Variants in POU6F2 observed in about 807,000 individuals in gnomAD.
POU6F2 encodes POU class 6 homeobox 2, also known as POU domain, class 6, transcription factor 2.
In POU6F2, 31 loss-of-function variants were observed where a neutral mutation model predicts 71.3. The ratio of observed to expected loss-of-function variants is 0.43; its 90% CI spans 0.33 to 0.59. POU6F2 has a LOEUF of 0.59. POU6F2 is among the 20% of genes least tolerant of loss of function. POU6F2 has a pLI of 0.04. For missense variants in POU6F2, 783 were observed against 856.8 expected (o/e 0.91, Z 1.07); for synonymous variants, 347 against 355.7 (o/e 0.98, Z 0.27).
chr7:39,286,914 C>T (rs1021826297), intron 4 of POU6F2, among the ~76,000 whole-genome samples: 3 of 149,716 alleles, frequency 2.0e-5, no homozygotes, highest in African/African-American at 7.4e-5. Context: ...AGGCATGAGC[C>T]ACCATGCCCA....
At position 39,466,164 on chromosome 7, in the gene POU6F2, G is replaced by A. The variant is rs1789065887; in HGVS notation, c.*1478G>A. On this transcript the variant is annotated 3_prime_UTR_variant, in exon 10 of 10. Transcript: ENST00000518318. ...GGCAAATTTAAACAACTGGAATTGG[G>A]GGCCAGGTTCTTCAGGGGAAAGGAA... is the stretch of plus-strand genomic sequence containing the variant. The A allele has an allele frequency of 6.6e-6, 1 of 152,174 alleles. No homozygotes were observed. Among genetic ancestry groups the A allele is most frequent in the African/African-American group, 2.4e-5 (1 of 41,442 alleles). The allele number at this position is 152,174 out of a possible 1,614,324, so 9.4% of individuals were successfully genotyped here. A position where few individuals can be genotyped will look rare whatever the true frequency, so the allele number is the denominator to read the frequency against.
intron 2 of POU6F2, among the ~76,000 whole-genome samples, chr7:39,190,631 CTTTTTTT>C (rs58654872): frequency 8.1e-5 from 6 of 74,202 alleles, no homozygotes; most frequent in East Asian, 5.3e-4. Flanking sequence ...GAGTCAACTT[CTTTTTTT>C]TTTTTTTTTT....
intron 5 of POU6F2, among the ~76,000 whole-genome samples, chr7:39,405,734 C>T (rs993702820): frequency 1.3e-5 from 2 of 152,194 alleles, no homozygotes; most frequent in Non-Finnish European, 2.9e-5. Context: ...GGCCTGAAAA[C>T]CTGTGGCGTG....
At chr7:39,071,242 A>G (rs748495651) in intron 1 of POU6F2, among the ~76,000 whole-genome samples, 21 of 152,056 alleles carry the variant, frequency 1.4e-4, no homozygotes, top group Non-Finnish European at 3.1e-4. Context: ...GGAATGGGCT[A>G]CCGAGATCCC....
intron 4 of POU6F2, among the ~76,000 whole-genome samples, chr7:39,278,299 T>A (rs188426452): frequency 7.6e-4 from 115 of 152,154 alleles, no homozygotes; most frequent in African/African-American, 2.6e-3. Flanking sequence ...TTTCCATAGA[T>A]CCAGGCCCAG....
chr7:39,092,699 C>T (rs1791381446), intron 2 of POU6F2, among the ~76,000 whole-genome samples: 2 of 152,078 alleles, frequency 1.3e-5, no homozygotes, highest in South Asian at 4.2e-4. Context: ...AAACTTTCAC[C>T]TCCTGATTGT....
At chr7:39,336,721 T>C (rs1285859145) in intron 4 of POU6F2, among the ~76,000 whole-genome samples, 5 of 152,158 alleles carry the variant, frequency 3.3e-5, no homozygotes, top group African/African-American at 1.2e-4. Flanking sequence ...CTAATAGGCT[T>C]TCACACCCAA....
intron 7 of POU6F2, among the ~76,000 whole-genome samples, chr7:39,443,797 A>G (rs1583608885): frequency 6.6e-6 from 1 of 152,260 alleles, no homozygotes; most frequent in South Asian, 2.1e-4. Flanking sequence ...TATAATATGG[A>G]CAACCACTAA....
chr7:39,273,461 C>T (rs1364081171), intron 4 of POU6F2, among the ~76,000 whole-genome samples: 1 of 152,160 alleles, frequency 6.6e-6, no homozygotes, highest in Non-Finnish European at 1.5e-5. Context: ...ATCAGGAAAA[C>T]TTAGATGGAG....
chr7:39,306,104 C>A (rs1785043114), intron 4 of POU6F2, among the ~76,000 whole-genome samples: 1 of 152,140 alleles, frequency 6.6e-6, no homozygotes, highest in Non-Finnish European at 1.5e-5. Context: ...TCTAAAATTT[C>A]CCAGCTTCTA....
At chr7:39,005,889 T>C (rs972625446) in intron 1 of POU6F2, among the ~76,000 whole-genome samples, 1 of 152,170 alleles carries the variant, frequency 6.6e-6, no homozygotes, top group African/African-American at 2.4e-5. Flanking sequence ...AGCAGTAAAA[T>C]GGACATTATG....
chr7:39,412,936 G>A (rs1445685836), intron 6 of POU6F2, among the ~76,000 whole-genome samples: 2 of 150,242 alleles, frequency 1.3e-5, no homozygotes, highest in African/African-American at 2.4e-5. Flanking sequence ...AAGTAGCTGG[G>A]ACTACAGGTG....
chr7:39,423,313 T>C (rs1787895901), intron 6 of POU6F2, among the ~76,000 whole-genome samples: 1 of 152,106 alleles, frequency 6.6e-6, no homozygotes, highest in South Asian at 2.1e-4. Flanking sequence ...GCTGGTGCCT[T>C]AAGAGAGGAT....
chr7:39,339,727 G>A lies in POU6F2; in HGVS notation c.684G>A (p.Pro228=), dbSNP rs769508733. The A allele has an allele frequency of 1.6e-5, 25 of 1,604,318 alleles. No individual in the cohort carries two copies. Among genetic ancestry groups the A allele is most frequent in the East Asian group, 2.2e-5 (1 of 44,708 alleles). Residue 228 remains proline (P), a synonymous_variant, in exon 5 of 10, where the codon CCG becomes CCA. Coordinates refer to ENST00000518318, the MANE Select transcript of POU6F2 (RefSeq NM_001370959.1). The part of the protein sequence containing the change: ...QQQQQQQQPP[P]STNQHPQPAP... ...AGCAGCAGCAGCAGCAGCCTCCCCC[G>A]TCAACCAACCAGCACCCGCAACCAG...
intron 4 of POU6F2, among the ~76,000 whole-genome samples, chr7:39,335,586 C>T (rs982948476): frequency 2.0e-5 from 3 of 152,214 alleles, no homozygotes. Flanking sequence ...AGGGTATTCA[C>T]TGGCTGTGTA....
At chr7:39,033,419 T>C (rs955332191) in intron 1 of POU6F2, among the ~76,000 whole-genome samples, 1 of 152,194 alleles carries the variant, frequency 6.6e-6, no homozygotes, top group South Asian at 2.1e-4. Context: ...CAAATATAAA[T>C]GTATGTGCAT....
In POU6F2 at chr7:39,162,661, T is replaced by C. The variant is rs183723086; in HGVS notation, c.278-41574T>C. Among the ~76,000 whole-genome samples, 180 of 152,304 alleles carry C rather than the reference T, an allele frequency of 1.2e-3. 1 individual carries two copies. The highest frequency in any genetic ancestry group is 0.01 in the Middle Eastern group (3 of 294). On this transcript the variant is annotated intron_variant, in intron 2 of 9. Coordinates refer to ENST00000518318, the MANE Select transcript of POU6F2 (RefSeq NM_001370959.1). The stretch of plus-strand genomic sequence containing the variant: ...TTCACCAGGGTGCTCATAAGTAACG[T>C]GCCAAACTATAGTTCTGTGGACAAA...
chr7:39,089,516 G>T (rs954979411), intron 2 of POU6F2, among the ~76,000 whole-genome samples: 1 of 152,100 alleles, frequency 6.6e-6, no homozygotes, highest in Non-Finnish European at 1.5e-5. Flanking sequence ...CTCAAAACTG[G>T]CCTTTGGCAA....
chr7:39,465,522 G>C lies in POU6F2; in HGVS notation c.*836G>C, dbSNP rs1042287937. 1.3e-5 allele frequency: 2 copies of C among 152,110 alleles called. No homozygotes were observed. The highest frequency in any genetic ancestry group is 4.8e-5 in the African/African-American group (2 of 41,408). 9.4% of individuals were successfully genotyped at this position (152,110 alleles called of 1,614,324 possible). ...TGCTTTTTTCTCACTATGACTTGTGGGTTTGAGAAAAGAAAATGGAGCTCG... is the reference window on the plus strand; with the variant it reads ...TGCTTTTTTCTCACTATGACTTGTGCGTTTGAGAAAAGAAAATGGAGCTCG... On this transcript the variant is annotated 3_prime_UTR_variant, in exon 10 of 10. Coordinates refer to ENST00000518318, the MANE Select transcript of POU6F2 (RefSeq NM_001370959.1).
Sources: gnomAD v4.1 joint callset for allele counts (sites outside exome capture counted in the v4.1 genomes callset) on GRCh38, gnomAD v4.1.1 for gene constraint, MANE v1.5 for transcripts, NCBI Gene and HGNC (gene_info 2026-07-23, HGNC 2026-07-21) for gene names.